Variants in PLBD1 observed in about 807,000 individuals in gnomAD.
PLBD1 encodes the protein lysosomal leucine aminopeptidase.
A neutral mutation model predicts 63.0 loss-of-function variants in PLBD1; 60 were observed. The ratio of observed to expected loss-of-function variants is 0.95; its 90% CI spans 0.77 to 1.18. The LOEUF (loss-of-function observed/expected upper bound fraction) is 1.18, where lower values mean the gene tolerates loss of function less well. Among genes scored for constraint, PLBD1 ranks in the 50% most tolerant of loss-of-function variants. The probability of loss-of-function intolerance (pLI) is 0.00; values close to 1 mark genes in which losing one functional copy is unlikely to be tolerated. For missense variants in PLBD1, 598 were observed against 677.9 expected, an observed-to-expected ratio of 0.88 and a Z score of 1.31; for synonymous variants, 262 against 248.0, an observed-to-expected ratio of 1.06 and a Z score of -0.53.
chr12:14,513,787 T>G (rs1352012963), intron 6 of PLBD1, among the ~76,000 whole-genome samples: 2 of 151,936 alleles, frequency 1.3e-5, no homozygotes, highest in Non-Finnish European at 2.9e-5. Flanking sequence ...TTAGTTTTTT[T>G]TTTTTTTTTT....
intron 6 of PLBD1, among the ~76,000 whole-genome samples, chr12:14,528,342 G>A (rs1055680956): frequency 3.3e-5 from 5 of 152,030 alleles, no homozygotes; most frequent in African/African-American, 1.2e-4. Context: ...CATAACACAG[G>A]TCTCAATAAA....
intron 1 of PLBD1, 36 bp downstream of exon 1, chr12:14,567,546 C>T: frequency 6.8e-7 from 1 of 1,465,210 alleles, no homozygotes. Flanking sequence ...TAGGAGCCTC[C>T]CCGGGCGCCC....
At position 14,503,819 on chromosome 12, in the gene PLBD1, A is replaced by C; in HGVS notation, c.1615T>G (p.Phe539Val). ...LHQGMPEVYNFDFITMKPILK... is the reference protein window; with the variant it reads ...LHQGMPEVYNVDFITMKPILK... ...ATTGGTTTCATGGTAATAAAATCAA[A>C]GTTGTAGACCTCTGGCATGCCCTGA... is the stretch of plus-strand genomic sequence containing the variant. Residue 539 changes from phenylalanine (F) to valine (V), a missense_variant, in exon 11 of 11, where the codon TTT becomes GTT. Physicochemically the swap from Phe to Val is conservative, Grantham distance 50 (BLOSUM62 -1). Transcript: ENST00000240617. 6.2e-7 allele frequency: 1 copy of C among 1,613,564 alleles called. No individual in the cohort carries two copies. The highest frequency in any genetic ancestry group is 1.7e-4 in the Middle Eastern group (1 of 6,056).
chr12:14,553,141 G>A (rs1945673016), intron 2 of PLBD1, 52 bp downstream of exon 2: 1 of 1,460,294 alleles, frequency 6.8e-7, no homozygotes, highest in Admixed American at 1.9e-5. Flanking sequence ...TGTGGAACAT[G>A]GGAAGGACAG....
intron 6 of PLBD1, among the ~76,000 whole-genome samples, chr12:14,512,443 C>G (rs1026833096): frequency 1.3e-5 from 2 of 152,022 alleles, no homozygotes; most frequent in African/African-American, 4.8e-5. Flanking sequence ...CCACCACACC[C>G]GGCTAAGTCT....
intron 2 of PLBD1, among the ~76,000 whole-genome samples, chr12:14,549,693 A>C (rs1334717575): frequency 6.6e-6 from 1 of 151,304 alleles, no homozygotes; most frequent in East Asian, 1.9e-4. Context: ...TTTGAGATGG[A>C]GTTTCACTCT....
chr12:14,518,163 A>G (rs1945350014), intron 6 of PLBD1, among the ~76,000 whole-genome samples: 1 of 152,238 alleles, frequency 6.6e-6, no homozygotes, highest in Non-Finnish European at 1.5e-5. Flanking sequence ...CCTGGGTAAC[A>G]GAGTGAGATT....
chr12:14,553,532 G>A, intron 1 of PLBD1, 120 bp from the exon 2 acceptor site: 1 of 827,468 alleles, frequency 1.2e-6, no homozygotes, highest in Non-Finnish European at 1.9e-6. Flanking sequence ...TATTAGAATT[G>A]GGAAATCTGC....
At chr12:14,566,552 A>C (rs766676023) in intron 1 of PLBD1, among the ~76,000 whole-genome samples, 1 of 152,170 alleles carries the variant, frequency 6.6e-6, no homozygotes, top group Non-Finnish European at 1.5e-5. Flanking sequence ...TTAGGAACGG[A>C]AATCATAAAT....
intron 1 of PLBD1, among the ~76,000 whole-genome samples, chr12:14,562,705 C>T (rs1945750842): frequency 6.6e-6 from 1 of 152,120 alleles, no homozygotes; most frequent in Admixed American, 6.6e-5. Flanking sequence ...AAACTAGACT[C>T]CATTCCATTT....
intron 1 of PLBD1, among the ~76,000 whole-genome samples, chr12:14,562,747 T>A (rs1465680558): frequency 6.6e-6 from 1 of 152,166 alleles, no homozygotes; most frequent in Non-Finnish European, 1.5e-5. Context: ...TGCATAAAAA[T>A]TACTTAAAAT....
At chr12:14,508,929 A>G (rs1386020319) in intron 8 of PLBD1, among the ~76,000 whole-genome samples, 1 of 152,126 alleles carries the variant, frequency 6.6e-6, no homozygotes, top group African/African-American at 2.4e-5. Context: ...CCTTCTAACT[A>G]AAACATCCAG....
In PLBD1 at chr12:14,503,843, G is replaced by C; in HGVS notation, c.1591C>G (p.Gln531Glu). 6.2e-7 allele frequency: 1 copy of C among 1,613,840 alleles called. No homozygotes were observed. The highest frequency in any genetic ancestry group is 8.5e-7 in the Non-Finnish European group (1 of 1,179,772). ...AAGTTGTAGACCTCTGGCATGCCCTGATGTAGAGTTTTGTTGAAACGGTCC... is the reference window on the plus strand; with the variant it reads ...AAGTTGTAGACCTCTGGCATGCCCTCATGTAGAGTTTTGTTGAAACGGTCC... ...RWDRFNKTLHQGMPEVYNFDF... is the reference protein window; with the variant it reads ...RWDRFNKTLHEGMPEVYNFDF... Residue 531 changes from glutamine (Q) to glutamate (E), a missense_variant, in exon 11 of 11, where the codon CAG becomes GAG. Transcript: ENST00000240617.
chr12:14,560,103 G>C (rs553921673), intron 1 of PLBD1, among the ~76,000 whole-genome samples: 2 of 152,158 alleles, frequency 1.3e-5, no homozygotes, highest in South Asian at 4.1e-4. Flanking sequence ...CAGGTGATTT[G>C]CCTGCCTTGG....
intron 6 of PLBD1, among the ~76,000 whole-genome samples, chr12:14,525,682 AACACACAC>A (rs57722328): frequency 3.2e-3 from 478 of 149,152 alleles, no homozygotes; most frequent in African/African-American, 9.8e-3. Flanking sequence ...CTTACTTCTC[AACACACAC>A]ACACACACAC....
intron 1 of PLBD1, among the ~76,000 whole-genome samples, chr12:14,557,207 C>T (rs1945713145): frequency 6.6e-6 from 1 of 152,032 alleles, no homozygotes; most frequent in Non-Finnish European, 1.5e-5. Flanking sequence ...AAAAGGAATG[C>T]TTATACACTG....
intron 6 of PLBD1, among the ~76,000 whole-genome samples, chr12:14,523,118 C>T (rs1945389647): frequency 2.6e-5 from 4 of 152,058 alleles, no homozygotes; most frequent in Admixed American, 2.6e-4. Context: ...CTGAAAACTT[C>T]ACCAAAATAC....
chr12:14,530,300 C>T (rs1242757201), intron 6 of PLBD1: 1 of 152,124 alleles, frequency 6.6e-6, no homozygotes, highest in African/African-American at 2.4e-5. Context: ...GATTTTAGCC[C>T]CTCAGTCATT....
At chr12:14,538,277 T>A (rs546027471) in intron 4 of PLBD1, among the ~76,000 whole-genome samples, 99 of 152,228 alleles carry the variant, frequency 6.5e-4, no homozygotes, top group African/African-American at 1.8e-3. Context: ...CACTGCAACC[T>A]CCGCATCCTG....
Sources: allele counts gnomAD v4.1 joint callset (sites outside exome capture counted in the v4.1 genomes callset), GRCh38; gene constraint gnomAD v4.1.1; transcripts MANE v1.5; gene names NCBI Gene and HGNC (gene_info 2026-07-23, HGNC 2026-07-21).